FRMD5: variants seen among roughly 807,000 people sequenced by gnomAD.
FRMD5 encodes the protein FERM domain containing 5.
In FRMD5, 20 loss-of-function variants were observed where a neutral mutation model predicts 69.0. The ratio of observed to expected loss-of-function variants is 0.29; its 90% CI spans 0.20 to 0.42. The LOEUF (loss-of-function observed/expected upper bound fraction) is 0.42, where lower values mean the gene tolerates loss of function less well. Ranked by LOEUF, FRMD5 falls within the 10% of genes least tolerant of loss-of-function variation. The pLI, the probability that FRMD5 is intolerant of heterozygous loss-of-function variation, is 1.00. For synonymous variants in FRMD5, 271 were observed against 260.1 expected, an observed-to-expected ratio of 1.04 and a Z score of -0.40; for missense variants, 595 against 708.6, an observed-to-expected ratio of 0.84 and a Z score of 1.82.
chr15:43,990,519 T>C (rs2140134503), intron 1 of FRMD5, among the ~76,000 whole-genome samples: 1 of 152,368 alleles, frequency 6.6e-6, no homozygotes, highest in South Asian at 2.1e-4. Context: ...TTGACACACA[T>C]TTATGTATCA....
Position 43,909,940 on chromosome 15 carries a change from A to G in FRMD5, c.369T>C (p.His123=), listed in dbSNP as rs1283080988. 1.2e-6 allele frequency: 2 copies of G among 1,612,714 alleles called. No homozygotes were observed. The highest frequency in any genetic ancestry group is 2.2e-5 in the East Asian group (1 of 44,866). Residue 123 remains histidine (H), a synonymous_variant, in exon 5 of 14, where the codon CAT becomes CAC. Transcript: ENST00000417257. ...VFLQIKRDLY[H]GRLLCKTSDA... is the part of the protein sequence containing the mutation. The stretch of plus-strand genomic sequence containing the variant: ...CCGATGTTTTACAGAGGAGTCGGCC[A>G]TGGTAGAGATCCCTTTTGATCTGCA...
chr15:44,068,201 A>T (rs534907531), intron 1 of FRMD5, among the ~76,000 whole-genome samples: 2 of 152,348 alleles, frequency 1.3e-5, no homozygotes, highest in African/African-American at 4.8e-5. Flanking sequence ...AAACAGTTAA[A>T]TATAGAGTTA....
intron 1 of FRMD5, among the ~76,000 whole-genome samples, chr15:44,103,059 A>C (rs181558070): frequency 3.3e-5 from 5 of 152,342 alleles, no homozygotes; most frequent in Non-Finnish European, 7.3e-5. Flanking sequence ...CCTATTATTC[A>C]AAGAAAGGAG....
chr15:43,922,912 C>T (rs908913681), intron 2 of FRMD5, among the ~76,000 whole-genome samples: 1 of 152,130 alleles, frequency 6.6e-6, no homozygotes, highest in Non-Finnish European at 1.5e-5. Context: ...TGAAACAATC[C>T]GCCTGCCTTA....
intron 1 of FRMD5, chr15:44,064,138 T>G (rs1893210964): frequency 4.6e-6 from 1 of 217,164 alleles, no homozygotes; most frequent in African/African-American, 2.4e-5. Flanking sequence ...CATGCTTGCA[T>G]CTACTGGCAC....
chr15:44,171,068 G>A (rs540626521), intron 1 of FRMD5, among the ~76,000 whole-genome samples: 2 of 151,772 alleles, frequency 1.3e-5, no homozygotes, highest in Non-Finnish European at 2.9e-5. Context: ...CCATAGCTTG[G>A]TGACAAGATA....
chr15:44,041,278 A>C (rs372940224), intron 1 of FRMD5, among the ~76,000 whole-genome samples: 1 of 152,140 alleles, frequency 6.6e-6, no homozygotes, highest in African/African-American at 2.4e-5. Context: ...CTGTCAACAC[A>C]AGAGAGATCA....
At chr15:44,073,743 G>A (rs970714730) in intron 1 of FRMD5, among the ~76,000 whole-genome samples, 3 of 152,110 alleles carry the variant, frequency 2.0e-5, no homozygotes, top group South Asian at 2.1e-4. Flanking sequence ...GGGCCATAAG[G>A]AGGGGGTTCC....
At chr15:44,116,201 T>C (rs534347632) in intron 1 of FRMD5, among the ~76,000 whole-genome samples, 2 of 149,506 alleles carry the variant, frequency 1.3e-5, no homozygotes, top group East Asian at 1.9e-4. Context: ...TATATACATA[T>C]ATAACTATAT....
At chr15:44,168,402 G>A (rs2077744915) in intron 1 of FRMD5, among the ~76,000 whole-genome samples, 1 of 152,182 alleles carries the variant, frequency 6.6e-6, no homozygotes, top group Non-Finnish European at 1.5e-5. Flanking sequence ...ATTTGATTAA[G>A]TTCTCATAAG....
At chr15:44,044,621 G>C (rs1892350925) in intron 1 of FRMD5, among the ~76,000 whole-genome samples, 1 of 152,170 alleles carries the variant, frequency 6.6e-6, no homozygotes, top group Non-Finnish European at 1.5e-5. Flanking sequence ...CAGGGACATG[G>C]ATGAAGCTGG....
intron 1 of FRMD5, among the ~76,000 whole-genome samples, chr15:44,094,439 C>T (rs991639229): frequency 2.0e-5 from 3 of 152,178 alleles, no homozygotes; most frequent in Admixed American, 1.3e-4. Flanking sequence ...TCGAGTTCTT[C>T]TCAGACACCT....
intron 13 of FRMD5, among the ~76,000 whole-genome samples, chr15:43,876,833 T>C (rs2088373464): frequency 6.6e-6 from 1 of 152,194 alleles, no homozygotes. Flanking sequence ...CCCCTATCTT[T>C]AGACACTTCA....
chr15:43,877,060 T>C (rs954941085), intron 13 of FRMD5, among the ~76,000 whole-genome samples: 39 of 152,098 alleles, frequency 2.6e-4, no homozygotes, highest in African/African-American at 9.4e-4. Context: ...ATATAGTGAG[T>C]GAGCGCGGCC....
intron 1 of FRMD5, among the ~76,000 whole-genome samples, chr15:44,177,584 C>T (rs935081831): frequency 3.3e-5 from 5 of 151,976 alleles, no homozygotes; most frequent in African/African-American, 1.2e-4. Context: ...GGAATAACTG[C>T]TAATGAGTAC....
intron 5 of FRMD5, among the ~76,000 whole-genome samples, chr15:43,909,061 GAGTGTTC>G (rs1317480315): frequency 6.6e-6 from 1 of 152,020 alleles, no homozygotes; most frequent in Non-Finnish European, 1.5e-5. Context: ...GTTTAGGGTT[GAGTGTTC>G]AGTGTTTTCT....
At chr15:44,023,222 G>T (rs1253167054) in intron 1 of FRMD5, among the ~76,000 whole-genome samples, 1 of 152,132 alleles carries the variant, frequency 6.6e-6, no homozygotes, top group Non-Finnish European at 1.5e-5. Flanking sequence ...GATACCTGAA[G>T]ACACTCCCAT....
chr15:43,892,105 G>A, intron 7 of FRMD5, 36 bp from the exon 8 acceptor site: 1 of 1,583,674 alleles, frequency 6.3e-7, no homozygotes. Context: ...GGGTGATGCA[G>A]GCACAGAGGT....
chr15:44,105,223 C>T (rs1566948357), intron 1 of FRMD5, among the ~76,000 whole-genome samples: 1 of 151,762 alleles, frequency 6.6e-6, no homozygotes, highest in East Asian at 1.9e-4. Flanking sequence ...ACCACAAGCG[C>T]GCAACACCTC....
Sources: allele counts gnomAD v4.1 joint callset (sites outside exome capture counted in the v4.1 genomes callset), GRCh38; gene constraint gnomAD v4.1.1; transcripts MANE v1.5; gene names NCBI Gene and HGNC (gene_info 2026-07-23, HGNC 2026-07-21).